Variants in TYW1 observed in about 807,000 individuals in gnomAD.
The protein encoded by TYW1 is tRNA-yW synthesizing protein 1 homolog.
A neutral mutation model predicts 96.2 loss-of-function variants in TYW1; 46 were observed. The ratio of observed to expected loss-of-function variants is 0.48; its 90% CI spans 0.38 to 0.61. The LOEUF (loss-of-function observed/expected upper bound fraction) is 0.61, where lower values mean the gene tolerates loss of function less well. TYW1 is among the 20% of genes least tolerant of loss of function. The pLI is 0.00. For missense variants in TYW1, 684 were observed against 909.6 expected (o/e 0.75, Z 3.19); for synonymous variants, 274 against 323.0 (o/e 0.85, Z 1.63).
rs550487400 is a variant in TYW1, at chr7:67,102,709, T to A, written c.1562+3991T>A. ...CTCCGTCACCCAGGCTAGAGTGCAG[T>A]GGCGCCATCTCGGCTCACTACAAGC... On this transcript the variant is annotated intron_variant, in intron 12 of 15. Transcript: ENST00000359626. Among the ~76,000 whole-genome samples, 28 of 152,158 alleles carry A rather than the reference T, an allele frequency of 1.8e-4. 1 individual carries two copies. In the South Asian group the frequency reaches 5.8e-3, roughly 32 times the overall value.
intron 12 of TYW1, among the ~76,000 whole-genome samples, chr7:67,107,867 A>G (rs1219040020): frequency 6.7e-6 from 1 of 148,920 alleles, no homozygotes; most frequent in Non-Finnish European, 1.5e-5. Flanking sequence ...TGCCTGGCCA[A>G]GATGGACTTT....
intron 14 of TYW1, among the ~76,000 whole-genome samples, chr7:67,188,007 A>T (rs1393410379): frequency 3.3e-5 from 5 of 152,236 alleles, no homozygotes; most frequent in African/African-American, 1.2e-4. Flanking sequence ...AAAGTTAAAA[A>T]TTTCTAAAAT....
chr7:67,201,653 A>G (rs1800603543), intron 15 of TYW1, among the ~76,000 whole-genome samples: 1 of 152,170 alleles, frequency 6.6e-6, no homozygotes, highest in African/African-American at 2.4e-5. Context: ...CAGCAAAGAT[A>G]TAGATATCAA....
At chr7:67,109,656 G>A (rs375411660) in intron 12 of TYW1, among the ~76,000 whole-genome samples, 2 of 152,144 alleles carry the variant, frequency 1.3e-5, no homozygotes, top group African/African-American at 4.8e-5. Flanking sequence ...TGAGGCGGGC[G>A]GATCATTTGA....
At chr7:67,072,936 T>TG (rs1796074265) in intron 10 of TYW1, among the ~76,000 whole-genome samples, 2 of 67,198 alleles carry the variant, frequency 3.0e-5, no homozygotes, top group Non-Finnish European at 6.1e-5. Context: ...CCTATCCAGT[T>TG]TTTTTTTTTT....
At chr7:67,084,421 C>A (rs1293054722) in intron 11 of TYW1, among the ~76,000 whole-genome samples, 1 of 152,184 alleles carries the variant, frequency 6.6e-6, no homozygotes, top group Non-Finnish European at 1.5e-5. Flanking sequence ...CAAACTTTAT[C>A]ATGCATCGGA....
At chr7:67,194,620 A>T (rs6960589) in intron 14 of TYW1, among the ~76,000 whole-genome samples, 57,713 of 150,538 alleles carry the variant, frequency 0.38, 11,915 homozygotes, top group African/African-American at 0.54. Context: ...CAAGACTCTG[A>T]CTCAAAAATG....
chr7:67,145,379 G>T (rs1220504587), intron 13 of TYW1, among the ~76,000 whole-genome samples: 1 of 152,036 alleles, frequency 6.6e-6, no homozygotes, highest in African/African-American at 2.4e-5. Context: ...TCGATCTCCT[G>T]ACCTCTTGAT....
In TYW1 at chr7:67,124,950, T is replaced by C. The variant is rs1414317078; in HGVS notation, c.1698+7332T>C. On this transcript the variant is annotated intron_variant, in intron 13 of 15. Coordinates refer to ENST00000359626, the MANE Select transcript of TYW1 (RefSeq NM_018264.4). ...CCTGGGTTCAAGCGATTCTCCTGCC[T>C]CAGCTCCCAAGTAGCTGGAATTATA... is the stretch of plus-strand genomic sequence containing the variant. Among the ~76,000 whole-genome samples, 3 of 152,276 alleles carry C rather than the reference T, an allele frequency of 2.0e-5. No individual in the cohort carries two copies. In the East Asian group the frequency reaches 5.8e-4, roughly 29 times the overall value.
intron 13 of TYW1, among the ~76,000 whole-genome samples, chr7:67,145,180 G>A (rs1025369208): frequency 5.7e-5 from 7 of 122,698 alleles, no homozygotes; most frequent in South Asian, 2.7e-4. Context: ...AACGAGTCTC[G>A]CTCTCTCTCC....
intron 15 of TYW1, among the ~76,000 whole-genome samples, chr7:67,218,349 ATATT>A (rs1801268172): frequency 7.3e-6 from 1 of 136,838 alleles, no homozygotes; most frequent in Non-Finnish European, 1.6e-5. Flanking sequence ...TGTTTTATTT[ATATT>A]TATTTATTTT....
At chr7:67,018,165 CT>C (rs113102144) in intron 6 of TYW1, 22 bp downstream of exon 6, 8 of 1,600,324 alleles carry the variant, frequency 5.0e-6, no homozygotes, top group African/African-American at 4.0e-5. Flanking sequence ...GTGTGTTCAT[CT>C]CTCGAGGCTT....
chr7:67,149,363 T>C (rs1200049149), intron 13 of TYW1, among the ~76,000 whole-genome samples: 3 of 152,132 alleles, frequency 2.0e-5, no homozygotes, highest in African/African-American at 7.2e-5. Flanking sequence ...ACTATATGGG[T>C]TCTATTTGAT....
chr7:67,106,832 A>G (rs1163691164), intron 12 of TYW1, among the ~76,000 whole-genome samples: 1 of 152,222 alleles, frequency 6.6e-6, no homozygotes, highest in African/African-American at 2.4e-5. Context: ...CAGGTTTATC[A>G]TAAGAAGACA....
intron 7 of TYW1, among the ~76,000 whole-genome samples, chr7:67,034,776 A>G (rs1206904391): frequency 6.6e-6 from 1 of 152,186 alleles, no homozygotes; most frequent in Non-Finnish European, 1.5e-5. Flanking sequence ...CATTTTTGTA[A>G]TGGATACTCT....
At chr7:67,030,088 G>A (rs557709355) in intron 7 of TYW1, among the ~76,000 whole-genome samples, 1 of 152,300 alleles carries the variant, frequency 6.6e-6, no homozygotes, top group Non-Finnish European at 1.5e-5. Context: ...CAACCAGGAA[G>A]CCCCACTGAG....
chr7:67,138,744 C>T (rs1294695204), intron 13 of TYW1, among the ~76,000 whole-genome samples: 10 of 152,142 alleles, frequency 6.6e-5, no homozygotes, highest in Non-Finnish European at 1.3e-4. Context: ...CCTTTCTGTG[C>T]CTGGCTAATA....
chr7:67,120,436 A>G (rs977962624), intron 13 of TYW1, among the ~76,000 whole-genome samples: 62 of 152,284 alleles, frequency 4.1e-4, no homozygotes, highest in Middle Eastern at 3.4e-3. Context: ...GTAAAGTACC[A>G]TATGTGTTTT....
At chr7:67,210,568 A>G (rs1203727907) in intron 15 of TYW1, among the ~76,000 whole-genome samples, 6 of 152,184 alleles carry the variant, frequency 3.9e-5, no homozygotes, top group African/African-American at 1.4e-4. Flanking sequence ...GAATTCTTCC[A>G]CACCGAAGGT....
Sources: allele counts gnomAD v4.1 joint callset (sites outside exome capture counted in the v4.1 genomes callset), GRCh38; gene constraint gnomAD v4.1.1; transcripts MANE v1.5; gene names NCBI Gene and HGNC (gene_info 2026-07-23, HGNC 2026-07-21).